The following NRCAM variants were observed in gnomAD, a reference collection of about 807,000 sequenced individuals.
NRCAM encodes neuronal cell adhesion molecule.
Under a neutral mutation model 156.5 loss-of-function variants are expected in NRCAM, and 83 were observed. That is an observed-to-expected ratio of 0.53 (90% CI 0.44 to 0.64). The LOEUF (loss-of-function observed/expected upper bound fraction) is 0.64, where lower values mean the gene tolerates loss of function less well. Among genes scored for constraint, NRCAM ranks in the 30% least tolerant of loss-of-function variants. NRCAM has a pLI of 0.00. For synonymous variants in NRCAM, 538 were observed against 563.9 expected (o/e 0.95, Z 0.65); for missense variants, 1,417 against 1,597.3 (o/e 0.89, Z 1.92).
intron 1 of NRCAM, among the ~76,000 whole-genome samples, chr7:108,445,428 CA>C (rs906720012): frequency 5.3e-5 from 8 of 152,154 alleles, no homozygotes; most frequent in African/African-American, 1.9e-4. Flanking sequence ...TTCATTTATT[CA>C]AAATCGAGTA....
intron 2 of NRCAM, among the ~76,000 whole-genome samples, chr7:108,337,264 GA>G (rs36065099): frequency 0.29 from 36,240 of 124,692 alleles, 4,688 homozygotes; most frequent in Middle Eastern, 0.4. Context: ...CTTCATCTCA[GA>G]AAAAAAAAAA....
intron 1 of NRCAM, among the ~76,000 whole-genome samples, chr7:108,410,295 G>T (rs1793821362): frequency 6.6e-6 from 1 of 152,142 alleles, no homozygotes; most frequent in Non-Finnish European, 1.5e-5. Context: ...ATTAAGAATT[G>T]TCTTGTTATA....
intron 2 of NRCAM, among the ~76,000 whole-genome samples, chr7:108,380,977 G>A (rs2099698340): frequency 6.6e-6 from 1 of 152,178 alleles, no homozygotes; most frequent in Non-Finnish European, 1.5e-5. Flanking sequence ...GGCAAAGGCA[G>A]AAGGAATGCT....
At chr7:108,347,544 T>G (rs746665135) in intron 2 of NRCAM, among the ~76,000 whole-genome samples, 33 of 152,158 alleles carry the variant, frequency 2.2e-4, no homozygotes, top group Non-Finnish European at 3.2e-4. Flanking sequence ...GGATTCCATT[T>G]CAAATTCAGA....
intron 3 of NRCAM, among the ~76,000 whole-genome samples, chr7:108,254,917 A>G (rs2096553945): frequency 6.6e-6 from 1 of 152,224 alleles, no homozygotes; most frequent in Non-Finnish European, 1.5e-5. Flanking sequence ...TTTACCTAAG[A>G]GTAATGAAAA....
At chr7:108,233,088 G>A (rs1168580947) in intron 6 of NRCAM, among the ~76,000 whole-genome samples, 1 of 152,160 alleles carries the variant, frequency 6.6e-6, no homozygotes, top group Non-Finnish European at 1.5e-5. Flanking sequence ...AACATTTTGG[G>A]AATTTTTAAT....
At chr7:108,436,641 T>C (rs757646941) in intron 1 of NRCAM, among the ~76,000 whole-genome samples, 1 of 152,244 alleles carries the variant, frequency 6.6e-6, no homozygotes, top group Admixed American at 6.5e-5. Flanking sequence ...TTAGTAAAGA[T>C]AGTATATTCA....
At chr7:108,323,408 AT>A (rs1466574726) in intron 2 of NRCAM, among the ~76,000 whole-genome samples, 1 of 152,222 alleles carries the variant, frequency 6.6e-6, no homozygotes, top group Non-Finnish European at 1.5e-5. Context: ...TCCAAGGCCT[AT>A]CCTTCAGAAT....
intron 1 of NRCAM, among the ~76,000 whole-genome samples, chr7:108,435,121 T>C (rs1830495518): frequency 1.3e-5 from 2 of 151,938 alleles, no homozygotes; most frequent in Admixed American, 1.3e-4. Flanking sequence ...ATTATAAATA[T>C]GTTCCGAAAC....
chr7:108,363,659 T>TC (rs751604364), intron 2 of NRCAM, among the ~76,000 whole-genome samples: 2 of 152,212 alleles, frequency 1.3e-5, no homozygotes, highest in Non-Finnish European at 2.9e-5. Flanking sequence ...AAATACTACC[T>TC]CAGCCAGGTG....
At chr7:108,354,423 A>G (rs1025593488) in intron 2 of NRCAM, among the ~76,000 whole-genome samples, 1 of 152,238 alleles carries the variant, frequency 6.6e-6, no homozygotes, top group Admixed American at 6.5e-5. Flanking sequence ...CTTCTACTCA[A>G]CTAAAGGCAG....
chr7:108,235,780 C>T (rs150950738), intron 5 of NRCAM, among the ~76,000 whole-genome samples: 436 of 152,266 alleles, frequency 2.9e-3, no homozygotes, highest in Non-Finnish European at 4.2e-3. Context: ...TGCTAAACAT[C>T]TAACAACGTA....
At chr7:108,293,017 C>G (rs2098348278) in intron 3 of NRCAM, among the ~76,000 whole-genome samples, 1 of 152,118 alleles carries the variant, frequency 6.6e-6, no homozygotes, top group African/African-American at 2.4e-5. Context: ...CCACTGGTAA[C>G]TTGTAAATGA....
Position 108,147,766 on chromosome 7 carries a change from A to AAG in NRCAM, c.*2142_*2143dup, listed in dbSNP as rs1215236655. The AAG allele has an allele frequency of 1.3e-5, 2 of 152,598 alleles. No individual in the cohort carries two copies. The highest frequency in any genetic ancestry group is 1.3e-4 in the Admixed American group (2 of 15,276). 9.5% of individuals were successfully genotyped at this position (152,598 alleles called of 1,614,324 possible). A position where few individuals can be genotyped will look rare whatever the true frequency, so the allele number is the denominator to read the frequency against. On this transcript the variant is annotated 3_prime_UTR_variant, in exon 33 of 33. Transcript: ENST00000379028. ...ACTCAATTGGGAACATAAATTACAA[A>AAG]AGAGAGAGGAACTTTTAAAACCACA...
intron 1 of NRCAM, among the ~76,000 whole-genome samples, chr7:108,435,306 A>G (rs1466784381): frequency 1.3e-5 from 2 of 152,210 alleles, no homozygotes; most frequent in East Asian, 3.8e-4. Flanking sequence ...GAGAAGGCAG[A>G]AGAAGAAATT....
intron 28 of NRCAM, among the ~76,000 whole-genome samples, chr7:108,170,940 CATTAT>C (rs2058112991): frequency 6.6e-6 from 1 of 152,078 alleles, no homozygotes; most frequent in African/African-American, 2.4e-5. Context: ...TAATGTACAG[CATTAT>C]ATTACTAATT....
chr7:108,442,960 CATTA>C (rs1840254826), intron 1 of NRCAM, among the ~76,000 whole-genome samples: 1 of 95,114 alleles, frequency 1.1e-5, no homozygotes, highest in Admixed American at 9.4e-5. Flanking sequence ...GGTAGATTCT[CATTA>C]GTTGTAGTTG....
chr7:108,260,013 T>C (rs533093952), intron 3 of NRCAM, among the ~76,000 whole-genome samples: 1 of 152,280 alleles, frequency 6.6e-6, no homozygotes, highest in South Asian at 2.1e-4. Flanking sequence ...TTTGAATTTT[T>C]AAAAAAGCTT....
At chr7:108,344,083 G>T (rs1004934454) in intron 2 of NRCAM, among the ~76,000 whole-genome samples, 1 of 152,116 alleles carries the variant, frequency 6.6e-6, no homozygotes, top group Non-Finnish European at 1.5e-5. Context: ...CCCCTACTAT[G>T]CCCCAATTCA....
Sources: gnomAD v4.1 joint callset for allele counts (sites outside exome capture counted in the v4.1 genomes callset) on GRCh38, gnomAD v4.1.1 for gene constraint, MANE v1.5 for transcripts, NCBI Gene and HGNC (gene_info 2026-07-23, HGNC 2026-07-21) for gene names.